NSUN6: variants seen among roughly 807,000 people sequenced by gnomAD.
NSUN6 encodes the protein NOP2/Sun RNA methyltransferase 6, also known as tRNA (cytosine(72)-C(5))-methyltransferase NSUN6.
A neutral mutation model predicts 58.0 loss-of-function variants in NSUN6; 64 were observed. That is an observed-to-expected ratio of 1.10 (90% confidence interval 0.90 to 1.36). The LOEUF is 1.36. NSUN6 is among the 40% of genes most tolerant of loss of function. The probability of loss-of-function intolerance (pLI) is 0.00; values close to 1 mark genes in which losing one functional copy is unlikely to be tolerated. For synonymous variants in NSUN6, 231 were observed against 193.9 expected (o/e 1.19, Z -1.59); for missense variants, 701 against 550.1 (o/e 1.27, Z -2.74).
chr10:18,644,000 A>G (rs1431994663), intron 2 of NSUN6, among the ~76,000 whole-genome samples: 2 of 152,200 alleles, frequency 1.3e-5, no homozygotes, highest in Admixed American at 6.5e-5. Flanking sequence ...TTTCTGCCCA[A>G]TGCTATTTTA....
intron 8 of NSUN6, among the ~76,000 whole-genome samples, chr10:18,568,399 C>CTCCATTCCATTCTCCAT (rs1554854738): frequency 1.4e-5 from 2 of 147,674 alleles, no homozygotes; most frequent in Non-Finnish European, 3.0e-5. Flanking sequence ...CCATTCCATT[C>CTCCATTCCATTCTCCAT]TCCATTCCAT....
chr10:18,564,542 G>C (rs561921274), intron 8 of NSUN6, among the ~76,000 whole-genome samples: 2 of 133,218 alleles, frequency 1.5e-5, no homozygotes, highest in Admixed American at 7.5e-5. Context: ...CCATTCCATT[G>C]TCCATTCCAT....
At chr10:18,656,405 T>C (rs1176504659), upstream of NSUN6, among the ~76,000 whole-genome samples, 1 of 152,084 alleles carries the variant, frequency 6.6e-6, no homozygotes, top group South Asian at 2.1e-4. Flanking sequence ...GGCATGGTGG[T>C]GCATGCCTGT....
At chr10:18,632,977 T>G (rs891441916) in intron 3 of NSUN6, among the ~76,000 whole-genome samples, 2 of 152,076 alleles carry the variant, frequency 1.3e-5, no homozygotes, top group African/African-American at 4.8e-5. Context: ...TCCGGCATTA[T>G]TCACAATAGC....
upstream of NSUN6, chr10:18,655,152 T>G (rs1007410564): frequency 1.0e-6 from 1 of 983,640 alleles, no homozygotes; most frequent in African/African-American, 1.7e-5. Flanking sequence ...CCTCGCTGCT[T>G]TATCTTGCTC....
chr10:18,623,524 T>G (rs1250396056), intron 3 of NSUN6, among the ~76,000 whole-genome samples: 2 of 152,164 alleles, frequency 1.3e-5, no homozygotes, highest in Non-Finnish European at 2.9e-5. Flanking sequence ...ATCAAACATT[T>G]ATTACTTAGG....
intron 9 of NSUN6, among the ~76,000 whole-genome samples, chr10:18,550,115 C>T (rs1460921857): frequency 5.9e-5 from 9 of 152,226 alleles, no homozygotes; most frequent in Non-Finnish European, 8.8e-5. Flanking sequence ...GTCAGCTTTT[C>T]CTTCTCATTG....
intron 6 of NSUN6, among the ~76,000 whole-genome samples, chr10:18,598,647 A>G: frequency 6.6e-6 from 1 of 152,120 alleles, no homozygotes; most frequent in Admixed American, 6.5e-5. Flanking sequence ...AATTCTTTGT[A>G]TTTTTTTGTA....
upstream of NSUN6, chr10:18,658,732 G>C (rs2059805318): frequency 1.3e-6 from 1 of 791,320 alleles, no homozygotes; most frequent in East Asian, 1.3e-4. Flanking sequence ...GGCCGGGCGC[G>C]GTGGCTGAGC....
intron 5 of NSUN6, among the ~76,000 whole-genome samples, chr10:18,610,305 G>A (rs557886783): frequency 5.9e-5 from 9 of 152,058 alleles, no homozygotes; most frequent in African/African-American, 1.9e-4. Flanking sequence ...CCAAGATCGC[G>A]CCATTGCACT....
intron 6 of NSUN6, among the ~76,000 whole-genome samples, chr10:18,596,756 G>T (rs1365392563): frequency 6.6e-6 from 1 of 152,142 alleles, no homozygotes. Flanking sequence ...GGTCTCAGCG[G>T]TCATTACTCA....
Position 18,546,065 on chromosome 10 carries a change from T to A in NSUN6, c.1278A>T (p.Pro426=), listed in dbSNP as rs770042679. The A allele has an allele frequency of 7.5e-6, 12 of 1,607,370 alleles. No homozygotes were observed. In the South Asian group the frequency reaches 1.3e-4, roughly 18 times the overall value. The change falls in exon 11 of 11, where the codon CCA becomes CCT. Residue 426 remains proline, a synonymous_variant. Transcript: ENST00000377304. ...CAGTGTCCGGTAATGGCACAGCCGATGGATCAAATCGCTGCAGCTGTTTCA... is the reference window on the plus strand; with the variant it reads ...CAGTGTCCGGTAATGGCACAGCCGAAGGATCAAATCGCTGCAGCTGTTTCA... The part of the protein sequence containing the change: ...EQLKQLQRFD[P]SAVPLPDTDM...
chr10:18,577,908 A>T (rs888823214), intron 8 of NSUN6, among the ~76,000 whole-genome samples: 3 of 152,168 alleles, frequency 2.0e-5, no homozygotes, highest in Non-Finnish European at 4.4e-5. Flanking sequence ...ACCCTAGCCA[A>T]TAGGGGAATG....
chr10:18,633,570 T>C (rs1240460189), intron 3 of NSUN6, among the ~76,000 whole-genome samples: 1 of 152,076 alleles, frequency 6.6e-6, no homozygotes, highest in Non-Finnish European at 1.5e-5. Context: ...GTGTGGAGTC[T>C]CTGAACAGGA....
At chr10:18,586,195 T>C (rs2057131396) in intron 7 of NSUN6, 102 bp from the exon 8 acceptor site, 7 of 890,204 alleles carry the variant, frequency 7.9e-6, no homozygotes, top group Non-Finnish European at 8.2e-6. Flanking sequence ...ATTATGGTCT[T>C]TTCCACCATA....
intron 6 of NSUN6, among the ~76,000 whole-genome samples, chr10:18,596,788 C>T (rs980808671): frequency 9.9e-5 from 15 of 152,068 alleles, no homozygotes; most frequent in African/African-American, 3.6e-4. Flanking sequence ...CAAAAGCATG[C>T]CATTTTCATA....
chr10:18,618,848 A>G (rs2058504782), intron 3 of NSUN6, among the ~76,000 whole-genome samples: 1 of 151,020 alleles, frequency 6.6e-6, no homozygotes, highest in Non-Finnish European at 1.5e-5. Flanking sequence ...AATTCATTGT[A>G]TGAGTTTTTA....
chr10:18,546,115 C>G lies in NSUN6; in HGVS notation c.1228G>C (p.Gly410Arg), dbSNP rs1174855712. Residue 410 changes from glycine to arginine, a missense_variant, in exon 11 of 11, where the codon GGA becomes CGA. Coordinates refer to ENST00000377304, the MANE Select transcript of NSUN6 (RefSeq NM_182543.5). ...AACTGTTCACATGAGAGCCCAGCTC[C>G]CCTCATTCCTTCTCCTCCAATCTGC... ...EPQIGGEGMR[G>R]AGLSCEQLKQ... The G allele has an allele frequency of 1.2e-6, 2 of 1,613,404 alleles. No individual in the cohort carries two copies. The highest frequency in any genetic ancestry group is 1.7e-6 in the Non-Finnish European group (2 of 1,179,518).
At chr10:18,603,298 G>A (rs1337432865) in intron 6 of NSUN6, among the ~76,000 whole-genome samples, 1 of 151,970 alleles carries the variant, frequency 6.6e-6, no homozygotes, top group Non-Finnish European at 1.5e-5. Context: ...GTAGACAGAT[G>A]GTTTATTCAT....
Sources: gnomAD v4.1 joint callset for allele counts (sites outside exome capture counted in the v4.1 genomes callset) on GRCh38, gnomAD v4.1.1 for gene constraint, MANE v1.5 for transcripts, NCBI Gene and HGNC (gene_info 2026-07-23, HGNC 2026-07-21) for gene names.